PRR5: variants seen among roughly 807,000 people sequenced by gnomAD.
The protein encoded by PRR5 is proline-rich protein 5.
A neutral mutation model predicts 30.6 loss-of-function variants in PRR5; 25 were observed. The ratio of observed to expected loss-of-function variants is 0.82; its 90% CI spans 0.60 to 1.14. The LOEUF (loss-of-function observed/expected upper bound fraction) is 1.14, where lower values mean the gene tolerates loss of function less well. Among genes scored for constraint, PRR5 ranks in the 50% most tolerant of loss-of-function variants. PRR5 has a pLI of 0.00. For missense variants in PRR5, 600 were observed against 547.1 expected, an observed-to-expected ratio of 1.10 and a Z score of -0.96; for synonymous variants, 286 against 247.1, an observed-to-expected ratio of 1.16 and a Z score of -1.48.
At chr22:44,678,001 G>GA (rs2146935113) in intron 1 of PRR5, among the ~76,000 whole-genome samples, 1 of 152,254 alleles carries the variant, frequency 6.6e-6, no homozygotes, top group Admixed American at 6.6e-5. Context: ...GGGCCTCAAG[G>GA]ACCAGCTGGT....
intron 4 of PRR5, chr22:44,730,167 G>C: frequency 1.0e-6 from 1 of 985,234 alleles, no homozygotes; most frequent in Non-Finnish European, 1.2e-6. Flanking sequence ...TTCCGGGAGT[G>C]GGGGCAGGGC....
At chr22:44,733,321 A>C (rs1042376626) in intron 6 of PRR5, among the ~76,000 whole-genome samples, 1 of 152,208 alleles carries the variant, frequency 6.6e-6, no homozygotes, top group Non-Finnish European at 1.5e-5. Flanking sequence ...ACCCCATTTT[A>C]CAGGTAGGGG....
At chr22:44,707,945 G>A (rs1033447539) in intron 1 of PRR5, among the ~76,000 whole-genome samples, 1 of 152,164 alleles carries the variant, frequency 6.6e-6, no homozygotes, top group Admixed American at 6.5e-5. Context: ...GTGGCCCCAA[G>A]ATGCCAGCCT....
chr22:44,690,277 C>G (rs1925130711), intron 1 of PRR5, among the ~76,000 whole-genome samples: 1 of 152,138 alleles, frequency 6.6e-6, no homozygotes, highest in Non-Finnish European at 1.5e-5. Flanking sequence ...GGGTGTTGAC[C>G]TGTGCCTGAA....
At chr22:44,731,242 C>G in intron 4 of PRR5, 1 of 264,532 alleles carries the variant, frequency 3.8e-6, no homozygotes, top group Non-Finnish European at 7.5e-6. Context: ...GTGGGTCTTA[C>G]CTGTGCAGGT....
chr22:44,720,675 C>T (rs1419489201), intron 2 of PRR5, among the ~76,000 whole-genome samples: 1 of 152,212 alleles, frequency 6.6e-6, no homozygotes, highest in Non-Finnish European at 1.5e-5. Context: ...GAACTGGCCA[C>T]TCATCCTCAG....
At chr22:44,726,657 C>A in intron 4 of PRR5, 23 bp downstream of exon 4, 1 of 1,613,872 alleles carries the variant, frequency 6.2e-7, no homozygotes. Context: ...CCCTTGGCGG[C>A]CACTCTGGGC....
At chr22:44,675,393 T>C (rs1327646172), upstream of PRR5, among the ~76,000 whole-genome samples, 4 of 152,342 alleles carry the variant, frequency 2.6e-5, no homozygotes, top group East Asian at 7.7e-4. Flanking sequence ...ACGTCTGGCC[T>C]GTTCTGCTTT....
chr22:44,672,736 A>T (rs1347136575), upstream of PRR5, among the ~76,000 whole-genome samples: 2 of 152,218 alleles, frequency 1.3e-5, no homozygotes, highest in East Asian at 3.8e-4. Context: ...CTGTCCTGCC[A>T]GCCAGCCCCT....
At chr22:44,694,649 G>A (rs1181991820) in intron 1 of PRR5, among the ~76,000 whole-genome samples, 3 of 152,120 alleles carry the variant, frequency 2.0e-5, no homozygotes, top group Non-Finnish European at 4.4e-5. Flanking sequence ...CCAGCCATGT[G>A]ACCTAGGATA....
intron 1 of PRR5, among the ~76,000 whole-genome samples, chr22:44,669,410 G>T (rs1174143188): frequency 4.6e-5 from 7 of 152,192 alleles, no homozygotes; most frequent in Non-Finnish European, 1.0e-4. Context: ...GGTGGGGGCA[G>T]GTGGAGGCAG....
At chr22:44,672,549 A>G (rs1459643777), upstream of PRR5, among the ~76,000 whole-genome samples, 2 of 152,188 alleles carry the variant, frequency 1.3e-5, no homozygotes, top group South Asian at 4.1e-4. Flanking sequence ...ACGTGCCTGC[A>G]CTCCAGCCTG....
rs547630046 is a variant in PRR5 at position 44,716,937 on chromosome 22, C to T, written c.215+2266C>T. ...ATTAGCTGGGCATGGTGGCAGGCAC[C>T]TGTAGTACCAGCTACTCAGGAGGCT... On this transcript the variant is annotated intron_variant, in intron 2 of 7. Transcript: ENST00000336985. Among the ~76,000 whole-genome samples, 29 of 152,164 alleles carry T rather than the reference C, an allele frequency of 1.9e-4. 1 individual carries two copies. The highest frequency in any genetic ancestry group is 6.5e-4 in the African/African-American group (27 of 41,522).
intron 1 of PRR5, among the ~76,000 whole-genome samples, chr22:44,692,095 GA>G (rs1382372570): frequency 6.6e-6 from 1 of 151,910 alleles, no homozygotes; most frequent in Non-Finnish European, 1.5e-5. Flanking sequence ...AAGAACGAGT[GA>G]AAAAGCACTG....
chr22:44,674,384 C>T (rs891619344), upstream of PRR5, among the ~76,000 whole-genome samples: 2 of 151,904 alleles, frequency 1.3e-5, no homozygotes, highest in Non-Finnish European at 2.9e-5. Flanking sequence ...GCCTGTAACC[C>T]CAGCACTTTG....
chr22:44,720,550 C>G (rs919424418), intron 2 of PRR5, among the ~76,000 whole-genome samples: 7 of 152,194 alleles, frequency 4.6e-5, no homozygotes, highest in African/African-American at 1.7e-4. Flanking sequence ...GTGCTGGCAG[C>G]TGCCAAGTGG....
chr22:44,730,699 C>T, intron 4 of PRR5: 1 of 982,928 alleles, frequency 1.0e-6, no homozygotes, highest in Non-Finnish European at 1.2e-6. Flanking sequence ...TCCAGGAAGC[C>T]CTCCCTGCCT....
intron 1 of PRR5, among the ~76,000 whole-genome samples, chr22:44,687,141 C>T (rs1477308018): frequency 6.6e-6 from 1 of 152,148 alleles, no homozygotes; most frequent in Non-Finnish European, 1.5e-5. Flanking sequence ...CCTCCCAGAG[C>T]ATTGTTTATT....
In PRR5 at chr22:44,732,383, G is replaced by C; in HGVS notation, c.547G>C (p.Val183Leu). The change falls in exon 6 of 8, where the codon GTG (valine) becomes CTG (leucine). Residue 183 changes from valine (V) to leucine (L), a missense_variant. Physicochemically the swap from Val to Leu is conservative, Grantham distance 32 (BLOSUM62 1). Coordinates refer to ENST00000336985, the MANE Select transcript of PRR5 (RefSeq NM_181333.4). ...VPPAIVQMLL[V>L]LQGVHESRGV... ...CCCTGCCATCGTGCAGATGCTGCTG[G>C]TGCTGCAGGTGGGCACAGTGGGCAG... The C allele has an allele frequency of 6.2e-7, 1 of 1,608,470 alleles. No individual in the cohort carries two copies. The highest frequency in any genetic ancestry group is 8.5e-7 in the Non-Finnish European group (1 of 1,178,680).
Sources: gnomAD v4.1 joint callset for allele counts (sites outside exome capture counted in the v4.1 genomes callset) on GRCh38, gnomAD v4.1.1 for gene constraint, MANE v1.5 for transcripts, NCBI Gene and HGNC (gene_info 2026-07-23, HGNC 2026-07-21) for gene names.